GREB1L: variants seen among roughly 807,000 people sequenced by gnomAD.
GREB1L encodes the protein GREB1-like protein.
GREB1L carries 17 observed loss-of-function variants against 200.8 expected under a neutral mutation model. The ratio of observed to expected loss-of-function variants is 0.08; its 90% CI spans 0.06 to 0.13. The LOEUF is 0.13. Among genes scored for constraint, GREB1L ranks in the 10% least tolerant of loss-of-function variants. GREB1L has a pLI of 1.00. For synonymous variants in GREB1L, 789 were observed against 893.0 expected (o/e 0.88, Z 2.08); for missense variants, 1,657 against 2,367.7 (o/e 0.70, Z 6.23).
At chr18:21,438,264 C>G (rs11083157) in intron 7 of GREB1L, among the ~76,000 whole-genome samples, 23,035 of 151,956 alleles carry the variant, frequency 0.15, 2,283 homozygotes, top group East Asian at 0.39. Flanking sequence ...TGGAGTGAGA[C>G]CCTGTTTCAA....
intron 1 of GREB1L, among the ~76,000 whole-genome samples, chr18:21,316,354 A>C (rs1445927281): frequency 6.6e-6 from 1 of 152,208 alleles, no homozygotes; most frequent in Non-Finnish European, 1.5e-5. Context: ...AAGTGGTAGA[A>C]GATAGATCTG....
At chr18:21,262,082 G>A (rs1256934600) in intron 1 of GREB1L, among the ~76,000 whole-genome samples, 1 of 152,098 alleles carries the variant, frequency 6.6e-6, no homozygotes, top group East Asian at 1.9e-4. Flanking sequence ...GATGCAAATT[G>A]TGTATTTATA....
At chr18:21,417,329 C>T (rs1287718767) in intron 7 of GREB1L, among the ~76,000 whole-genome samples, 1 of 151,958 alleles carries the variant, frequency 6.6e-6, no homozygotes, top group Non-Finnish European at 1.5e-5. Flanking sequence ...TGAGACCAGG[C>T]TGGCCGACAT....
chr18:21,455,399 C>T (rs1050902549), intron 15 of GREB1L, among the ~76,000 whole-genome samples: 7 of 152,170 alleles, frequency 4.6e-5, no homozygotes, highest in South Asian at 4.1e-4. Flanking sequence ...ATTTTACTTT[C>T]GGCCGGGGGC....
intron 6 of GREB1L, among the ~76,000 whole-genome samples, chr18:21,402,341 TTAG>T (rs1398974971): frequency 6.6e-6 from 1 of 152,156 alleles, no homozygotes; most frequent in Non-Finnish European, 1.5e-5. Flanking sequence ...TTTTAACTTC[TTAG>T]TACTCAGTGG....
At chr18:21,337,039 A>T (rs1041539373) in intron 1 of GREB1L, among the ~76,000 whole-genome samples, 6 of 152,164 alleles carry the variant, frequency 3.9e-5, no homozygotes, top group Non-Finnish European at 7.3e-5. Flanking sequence ...TAACCTCAAA[A>T]TTCCACAGAC....
intron 27 of GREB1L, among the ~76,000 whole-genome samples, chr18:21,509,400 G>A (rs935362354): frequency 6.6e-6 from 1 of 152,128 alleles, no homozygotes; most frequent in Non-Finnish European, 1.5e-5. Context: ...CTGGACTGGA[G>A]GGCAGATAAG....
rs61655993 is a variant in GREB1L at position 21,497,811 on chromosome 18, AC to A, written c.3391+1123del. 4.2e-3 allele frequency among the ~76,000 whole-genome samples: 285 copies of A among 67,564 alleles called. 1 individual carries two copies. Among genetic ancestry groups the A allele is most frequent in the Middle Eastern group, 0.015 (1 of 66 alleles). 44.3% of individuals were successfully genotyped at this position (67,564 alleles called of 152,430 possible). On this transcript the variant is annotated intron_variant, in intron 21 of 32. Coordinates refer to ENST00000424526, the MANE Select transcript of GREB1L (RefSeq NM_001142966.3). ...ACATGCCCCTCCTTCTCCCCTCACC[AC>A]CCCCCCCCCTTTTTTTTTTTTTTTT...
chr18:21,364,474 G>T (rs1300181106), intron 1 of GREB1L, among the ~76,000 whole-genome samples: 2 of 149,870 alleles, frequency 1.3e-5, no homozygotes, highest in African/African-American at 2.5e-5. Flanking sequence ...GGGGCAATAT[G>T]ATTGCAAAAA....
At chr18:21,361,004 G>A (rs558760153) in intron 1 of GREB1L, among the ~76,000 whole-genome samples, 5 of 152,280 alleles carry the variant, frequency 3.3e-5, no homozygotes, top group South Asian at 2.1e-4. Flanking sequence ...CAGTTAAGTC[G>A]TGGTGGTCTG....
chr18:21,341,848 T>C (rs949743570), intron 1 of GREB1L, among the ~76,000 whole-genome samples: 2 of 152,128 alleles, frequency 1.3e-5, no homozygotes, highest in Admixed American at 1.3e-4. Flanking sequence ...TTTCCTTCCA[T>C]GTCAGTGCAG....
At chr18:21,303,044 A>C (rs1196922677) in intron 1 of GREB1L, among the ~76,000 whole-genome samples, 2 of 152,122 alleles carry the variant, frequency 1.3e-5, no homozygotes, top group African/African-American at 4.8e-5. Context: ...TTTAGCAGAG[A>C]CAGGGTTTCA....
chr18:21,366,645 T>G (rs1372143674), intron 2 of GREB1L, among the ~76,000 whole-genome samples: 37 of 107,086 alleles, frequency 3.5e-4, no homozygotes, highest in African/African-American at 1.3e-3. Context: ...TCAAAGAAAA[T>G]CAGATGCTTG....
intron 7 of GREB1L, among the ~76,000 whole-genome samples, chr18:21,425,597 T>C (rs2032503257): frequency 6.6e-6 from 1 of 152,238 alleles, no homozygotes; most frequent in African/African-American, 2.4e-5. Flanking sequence ...GGGTACGATG[T>C]AGTAGCTCAT....
chr18:21,312,258 G>A (rs1450352255), intron 1 of GREB1L, among the ~76,000 whole-genome samples: 1 of 152,078 alleles, frequency 6.6e-6, no homozygotes, highest in African/African-American at 2.4e-5. Flanking sequence ...CCATGTCTTT[G>A]CTATTGTGAA....
chr18:21,249,171 G>A (rs2037657814), intron 1 of GREB1L, among the ~76,000 whole-genome samples: 2 of 151,720 alleles, frequency 1.3e-5, no homozygotes, highest in Admixed American at 1.3e-4. Context: ...AGATAACTTA[G>A]TTACAAGGGG....
chr18:21,372,742 A>G lies in GREB1L; in HGVS notation c.-10+6606A>G, dbSNP rs796766992. Among the ~76,000 whole-genome samples, 41 of 152,110 alleles carry G rather than the reference A, an allele frequency of 2.7e-4. 1 individual carries two copies. Among genetic ancestry groups the G allele is most frequent in the African/African-American group, 9.9e-4 (41 of 41,526 alleles). On this transcript the variant is annotated intron_variant, in intron 2 of 32. Transcript: ENST00000424526. Reference sequence around the variant, plus strand: ...TTCAAGATCAGCCTGACCAATATGGAGAAACCCCATCTCTACTAAAAATAC... The same window carrying G: ...TTCAAGATCAGCCTGACCAATATGGGGAAACCCCATCTCTACTAAAAATAC...
At chr18:21,474,221 C>T (rs1417319356) in intron 16 of GREB1L, among the ~76,000 whole-genome samples, 3 of 152,212 alleles carry the variant, frequency 2.0e-5, no homozygotes, top group South Asian at 2.1e-4. Context: ...TCCAAAGTCT[C>T]ATCTGAGACA....
At chr18:21,291,834 C>T (rs2144592541) in intron 1 of GREB1L, among the ~76,000 whole-genome samples, 1 of 152,228 alleles carries the variant, frequency 6.6e-6, no homozygotes, top group Non-Finnish European at 1.5e-5. Flanking sequence ...GCAGGGATCT[C>T]TACATAATGA....
Sources: allele counts gnomAD v4.1 joint callset (sites outside exome capture counted in the v4.1 genomes callset), GRCh38; gene constraint gnomAD v4.1.1; transcripts MANE v1.5; gene names NCBI Gene and HGNC (gene_info 2026-07-23, HGNC 2026-07-21).